The following ERBB4 variants were observed in gnomAD, a reference collection of about 807,000 sequenced individuals.
ERBB4 encodes receptor tyrosine-protein kinase erbB-4.
In ERBB4, 42 loss-of-function variants were observed where a neutral mutation model predicts 158.0. The ratio of observed to expected loss-of-function variants is 0.27; its 90% CI spans 0.21 to 0.34. The LOEUF (loss-of-function observed/expected upper bound fraction) is 0.34. Ranked by LOEUF, ERBB4 falls within the 10% of genes least tolerant of loss-of-function variation. The pLI is 1.00. For synonymous variants in ERBB4, 583 were observed against 558.7 expected (o/e 1.04, Z -0.61); for missense variants, 1,333 against 1,624.1 (o/e 0.82, Z 3.08).
At chr2:211,827,371 T>C (rs907155277) in intron 3 of ERBB4, among the ~76,000 whole-genome samples, 1 of 152,074 alleles carries the variant, frequency 6.6e-6, no homozygotes, top group Non-Finnish European at 1.5e-5. Flanking sequence ...TTTGTTTTGT[T>C]TTGTTGTATA....
chr2:212,147,384 T>C (rs2080718022), intron 1 of ERBB4, among the ~76,000 whole-genome samples: 1 of 151,942 alleles, frequency 6.6e-6, no homozygotes, highest in Admixed American at 6.6e-5. Context: ...GAAGATTTAA[T>C]CCAGCATCAT....
At chr2:211,449,587 C>T (rs1321105944) in intron 20 of ERBB4, among the ~76,000 whole-genome samples, 2 of 152,064 alleles carry the variant, frequency 1.3e-5, no homozygotes, top group Non-Finnish European at 2.9e-5. Context: ...GCACACATAC[C>T]ATCTGTGAAG....
chr2:212,109,831 C>A (rs79821997), intron 2 of ERBB4, among the ~76,000 whole-genome samples: 1 of 152,112 alleles, frequency 6.6e-6, no homozygotes, highest in Non-Finnish European at 1.5e-5. Context: ...TTTGTTGTGA[C>A]GTTTCCCTTT....
intron 1 of ERBB4, among the ~76,000 whole-genome samples, chr2:212,490,115 A>G (rs897598767): frequency 3.3e-5 from 5 of 151,902 alleles, no homozygotes; most frequent in African/African-American, 1.2e-4. Context: ...ATCTTGCAAG[A>G]GCACCTTTGT....
At position 212,134,837 on chromosome 2, in the gene ERBB4, C is replaced by G. The variant is rs140463852; in HGVS notation, c.83-9934G>C. ...GAGCTGGGACTACAGGCGCCCGCCA[C>G]CATGCCTGGCTAATTTTTTTTGTAT... On this transcript the variant is annotated intron_variant, in intron 1 of 27. Transcript: ENST00000342788. 1.0e-2 allele frequency among the ~76,000 whole-genome samples: 1,518 copies of G among 152,060 alleles called. 15 individuals carry two copies. The highest frequency in any genetic ancestry group is 0.035 in the African/African-American group (1,438 of 41,476).
intron 1 of ERBB4, among the ~76,000 whole-genome samples, chr2:212,383,844 C>G (rs1018730359): frequency 7.3e-5 from 11 of 151,650 alleles, no homozygotes; most frequent in African/African-American, 2.7e-4. Flanking sequence ...AGGCACATGT[C>G]AGGCTTCCTA....
At chr2:212,080,430 T>A (rs2078402849) in intron 2 of ERBB4, among the ~76,000 whole-genome samples, 1 of 151,602 alleles carries the variant, frequency 6.6e-6, no homozygotes, top group South Asian at 2.1e-4. Flanking sequence ...AATTAATAAA[T>A]CTTTAAGGCT....
At chr2:211,716,431 C>G (rs1371632204) in intron 7 of ERBB4, among the ~76,000 whole-genome samples, 2 of 143,688 alleles carry the variant, frequency 1.4e-5, no homozygotes, top group Non-Finnish European at 3.0e-5. Flanking sequence ...AATCCCAGCA[C>G]TTTGGGAGGC....
At chr2:211,853,419 T>C (rs11687449) in intron 3 of ERBB4, among the ~76,000 whole-genome samples, 37,618 of 151,926 alleles carry the variant, frequency 0.25, 5,585 homozygotes, top group East Asian at 0.42. Flanking sequence ...TCTACTTGTA[T>C]GACTTGCATT....
chr2:211,872,027 T>C (rs1345798168), intron 3 of ERBB4, among the ~76,000 whole-genome samples: 3 of 152,154 alleles, frequency 2.0e-5, no homozygotes, highest in African/African-American at 7.2e-5. Context: ...ATTTTAGTAT[T>C]ATGCTTTATG....
chr2:212,172,464 C>A (rs551040360), intron 1 of ERBB4, among the ~76,000 whole-genome samples: 1 of 152,076 alleles, frequency 6.6e-6, no homozygotes, highest in Non-Finnish European at 1.5e-5. Context: ...CACATGCATG[C>A]GTATGTTCAT....
intron 18 of ERBB4, among the ~76,000 whole-genome samples, chr2:211,619,699 C>T (rs1252385031): frequency 1.3e-5 from 2 of 151,950 alleles, no homozygotes; most frequent in Non-Finnish European, 2.9e-5. Context: ...AGAGGTTCTT[C>T]TCAGGCTGAA....
chr2:212,446,013 T>C (rs563057019), intron 1 of ERBB4, among the ~76,000 whole-genome samples: 69 of 152,360 alleles, frequency 4.5e-4, no homozygotes, highest in African/African-American at 1.6e-3. Context: ...ATTTATTGAC[T>C]TCGTATCAGC....
chr2:211,558,929 T>C (rs374812415), intron 20 of ERBB4, among the ~76,000 whole-genome samples: 22 of 152,270 alleles, frequency 1.4e-4, no homozygotes, highest in African/African-American at 5.3e-4. Context: ...CTCAAGGTAA[T>C]CCTTCATCTT....
At chr2:212,528,290 G>A (rs894186260) in intron 1 of ERBB4, among the ~76,000 whole-genome samples, 5 of 152,046 alleles carry the variant, frequency 3.3e-5, no homozygotes, top group East Asian at 1.9e-4. Context: ...CTCTGCCGCC[G>A]TGAGAAAGTC....
Position 211,424,174 on chromosome 2 carries a change from A to G in ERBB4, c.2847T>C (p.Val949=). The G allele has an allele frequency of 6.2e-7, 1 of 1,613,332 alleles. No homozygotes were observed. The highest frequency in any genetic ancestry group is 8.5e-7 in the Non-Finnish European group (1 of 1,179,466). ...TCTTACATTTGACCATGACCATGTA[A>G]ACGTCAATAGTGCAGATGGGAGGCT... ...LPQPPICTID[V]YMVMVKCWMI... is the part of the protein sequence containing the mutation. Residue 949 remains valine, a synonymous_variant, in exon 23 of 28, where the codon GTT becomes GTC. Coordinates refer to ENST00000342788, the MANE Select transcript of ERBB4 (RefSeq NM_005235.3).
intron 7 of ERBB4, among the ~76,000 whole-genome samples, chr2:211,718,699 C>T (rs375667969): frequency 8.2e-4 from 124 of 151,738 alleles, no homozygotes; most frequent in African/African-American, 2.9e-3. Flanking sequence ...CATATTCTTA[C>T]ACTTATTCAC....
intron 1 of ERBB4, among the ~76,000 whole-genome samples, chr2:212,454,415 G>A (rs556741279): frequency 1.3e-5 from 2 of 152,172 alleles, no homozygotes; most frequent in East Asian, 1.9e-4. Flanking sequence ...AATTTTAAAA[G>A]CTAGCTATTA....
At chr2:212,466,058 G>A (rs943347262) in intron 1 of ERBB4, among the ~76,000 whole-genome samples, 7 of 152,112 alleles carry the variant, frequency 4.6e-5, no homozygotes, top group African/African-American at 1.7e-4. Context: ...TTAAAATTTT[G>A]CAAGACACTT....
Sources: gnomAD v4.1 joint callset for allele counts (sites outside exome capture counted in the v4.1 genomes callset) on GRCh38, gnomAD v4.1.1 for gene constraint, MANE v1.5 for transcripts, NCBI Gene and HGNC (gene_info 2026-07-23, HGNC 2026-07-21) for gene names.